The following LARGE1 variants were observed in gnomAD, a reference collection of about 807,000 sequenced individuals.
LARGE1 encodes LARGE xylosyl- and glucuronyltransferase 1.
LARGE1 carries 43 observed loss-of-function variants against 87.6 expected under a neutral mutation model. That is an observed-to-expected ratio of 0.49 (90% confidence interval 0.38 to 0.63). The LOEUF is 0.63. Ranked by LOEUF, LARGE1 falls within the 30% of genes least tolerant of loss-of-function variation. LARGE1 has a pLI of 0.00. For synonymous variants in LARGE1, 434 were observed against 394.6 expected, an observed-to-expected ratio of 1.10 and a Z score of -1.18; for missense variants, 802 against 1,000.2, an observed-to-expected ratio of 0.80 and a Z score of 2.67.
At chr22:33,817,811 C>T (rs1284680868) in intron 1 of LARGE1, among the ~76,000 whole-genome samples, 2 of 152,070 alleles carry the variant, frequency 1.3e-5, no homozygotes, top group East Asian at 1.9e-4. Flanking sequence ...TTATGCCTTA[C>T]AACTTCCCCG....
chr22:33,153,564 G>A, the LARGE1 span, among the ~76,000 whole-genome samples: 3 of 152,110 alleles, frequency 2.0e-5, no homozygotes, highest in Non-Finnish European at 4.4e-5. Flanking sequence ...CGTCTTCATG[G>A]AATATCTTTT....
intron 10 of LARGE1, among the ~76,000 whole-genome samples, chr22:33,328,594 A>C (rs1358169228): frequency 6.7e-6 from 1 of 150,308 alleles, no homozygotes; most frequent in Non-Finnish European, 1.5e-5. Flanking sequence ...AATAATAATA[A>C]TAATAATAAT....
At chr22:33,144,957 TTTCAAGCAGAATGTA>T in the LARGE1 span, among the ~76,000 whole-genome samples, 5 of 151,990 alleles carry the variant, frequency 3.3e-5, no homozygotes, top group African/African-American at 9.7e-5. Flanking sequence ...GCAGAATAGT[TTTCAAGCAGAATGTA>T]TTCAAGCAGA....
At chr22:33,683,567 A>T (rs1603130279) in intron 2 of LARGE1, among the ~76,000 whole-genome samples, 1 of 150,816 alleles carries the variant, frequency 6.6e-6, no homozygotes, top group Non-Finnish European at 1.5e-5. Flanking sequence ...AAGGACGGAC[A>T]AACAGACAGA....
intron 1 of LARGE1, among the ~76,000 whole-genome samples, chr22:33,906,751 A>G (rs1029774303): frequency 2.6e-5 from 4 of 152,120 alleles, no homozygotes; most frequent in African/African-American, 9.7e-5. Context: ...GGGCCTCTGC[A>G]AATTTTCTGA....
intron 6 of LARGE1, among the ~76,000 whole-genome samples, chr22:33,542,030 C>T (rs1302560720): frequency 6.6e-6 from 1 of 151,784 alleles, no homozygotes; most frequent in Non-Finnish European, 1.5e-5. Context: ...GGTGTGGTGG[C>T]GGCTGCCTGG....
At chr22:33,277,864 C>T (rs1247915460) in intron 13 of LARGE1, among the ~76,000 whole-genome samples, 3 of 152,310 alleles carry the variant, frequency 2.0e-5, no homozygotes, top group Non-Finnish European at 4.4e-5. Context: ...CTGGAGGGCT[C>T]CATGTCATTT....
intron 6 of LARGE1, among the ~76,000 whole-genome samples, chr22:33,506,191 C>T (rs1367287186): frequency 1.3e-5 from 2 of 151,810 alleles, no homozygotes; most frequent in East Asian, 3.9e-4. Context: ...ATAGTATGTG[C>T]TACATAATAT....
intron 1 of LARGE1, among the ~76,000 whole-genome samples, chr22:33,761,860 A>C (rs559921012): frequency 1.5e-4 from 23 of 152,302 alleles, no homozygotes; most frequent in Non-Finnish European, 2.9e-4. Context: ...TAACATACTT[A>C]AAGGAGCATT....
At chr22:33,807,778 C>A (rs1224144134) in intron 1 of LARGE1, among the ~76,000 whole-genome samples, 1 of 152,170 alleles carries the variant, frequency 6.6e-6, no homozygotes, top group African/African-American at 2.4e-5. Context: ...AAATTGGCTT[C>A]TTTCATTTAG....
intron 1 of LARGE1, chr22:33,861,572 CA>C (rs1426733495): frequency 6.6e-6 from 1 of 152,302 alleles, no homozygotes; most frequent in Non-Finnish European, 1.5e-5. Flanking sequence ...AATGGCCACG[CA>C]GACACGCCTG....
intron 7 of LARGE1, among the ~76,000 whole-genome samples, chr22:33,388,948 T>C (rs547223015): frequency 2.6e-5 from 4 of 152,334 alleles, no homozygotes; most frequent in Admixed American, 6.5e-5. Flanking sequence ...CCAGGCCCTT[T>C]TGTGGAAACA....
chr22:33,898,841 CCTT>C (rs2065213270), intron 1 of LARGE1, among the ~76,000 whole-genome samples: 1 of 152,234 alleles, frequency 6.6e-6, no homozygotes, highest in Middle Eastern at 3.2e-3. Flanking sequence ...ACCAGTTCCT[CCTT>C]CTCCTATCCC....
chr22:33,535,671 C>A (rs1034470970), intron 6 of LARGE1, among the ~76,000 whole-genome samples: 5 of 147,026 alleles, frequency 3.4e-5, no homozygotes, highest in Admixed American at 6.9e-5. Flanking sequence ...ATTGACCAAC[C>A]CCCTCATAGG....
At chr22:33,680,141 C>T (rs139285863) in intron 2 of LARGE1, among the ~76,000 whole-genome samples, 84 of 152,280 alleles carry the variant, frequency 5.5e-4, no homozygotes, top group African/African-American at 1.8e-3. Flanking sequence ...CAGTTTTAAA[C>T]ACAGAGTTCC....
chr22:33,830,872 G>A (rs1287784384), intron 1 of LARGE1, among the ~76,000 whole-genome samples: 1 of 152,178 alleles, frequency 6.6e-6, no homozygotes, highest in African/African-American at 2.4e-5. Context: ...AAGAAGAGGT[G>A]AGGGAGCTCT....
intron 11 of LARGE1, among the ~76,000 whole-genome samples, chr22:33,194,940 C>T (rs1004562700): frequency 6.6e-6 from 1 of 152,204 alleles, no homozygotes; most frequent in Admixed American, 6.5e-5. Context: ...CTAGACAACT[C>T]ATTGCTCCGA....
the LARGE1 span, among the ~76,000 whole-genome samples, chr22:33,068,784 G>A: frequency 2.3e-4 from 35 of 152,222 alleles, no homozygotes; most frequent in African/African-American, 7.2e-4. Context: ...CTCCATCACC[G>A]TGTTGCCAGG....
intron 6 of LARGE1, among the ~76,000 whole-genome samples, chr22:33,490,237 G>A (rs2069772005): frequency 6.6e-6 from 1 of 152,152 alleles, no homozygotes; most frequent in African/African-American, 2.4e-5. Flanking sequence ...CTGGGACTGC[G>A]TCTTATCCAT....
Sources: allele counts gnomAD v4.1 joint callset (sites outside exome capture counted in the v4.1 genomes callset), GRCh38; gene constraint gnomAD v4.1.1; transcripts MANE v1.5; gene names NCBI Gene and HGNC (gene_info 2026-07-23, HGNC 2026-07-21).